COL14A1: variants seen among roughly 807,000 people sequenced by gnomAD.
COL14A1 encodes the protein collagen type XIV alpha 1 chain, also known as collagen alpha-1(XIV) chain.
Under a neutral mutation model 230.3 loss-of-function variants are expected in COL14A1, and 136 were observed. The observed-to-expected ratio is 0.59, with a 90% CI of 0.51 to 0.68. The LOEUF (loss-of-function observed/expected upper bound fraction) is 0.68. Ranked by LOEUF, COL14A1 falls within the 30% of genes least tolerant of loss-of-function variation. The pLI is 0.00. For missense variants in COL14A1, 1,976 were observed against 2,215.8 expected (o/e 0.89, Z 2.17); for synonymous variants, 792 against 784.1 (o/e 1.01, Z -0.17).
intron 23 of COL14A1, among the ~76,000 whole-genome samples, chr8:120,259,276 T>C (rs1819255673): frequency 6.6e-6 from 1 of 152,186 alleles, no homozygotes; most frequent in African/African-American, 2.4e-5. Context: ...CAATAACTAC[T>C]TGTAGGACAT....
At chr8:120,184,132 C>T (rs1053886256) in intron 5 of COL14A1, among the ~76,000 whole-genome samples, 6 of 151,048 alleles carry the variant, frequency 4.0e-5, no homozygotes, top group Non-Finnish European at 1.5e-5. Context: ...AAGTGGTAGG[C>T]TTTTCATAAT....
chr8:120,253,138 T>C (rs1323587251), intron 22 of COL14A1, among the ~76,000 whole-genome samples: 1 of 152,150 alleles, frequency 6.6e-6, no homozygotes, highest in Non-Finnish European at 1.5e-5. Context: ...GCATCTCCTA[T>C]AGCTGGGATT....
At chr8:120,170,211 T>G (rs1816052084) in intron 5 of COL14A1, among the ~76,000 whole-genome samples, 1 of 152,034 alleles carries the variant, frequency 6.6e-6, no homozygotes. Flanking sequence ...CTTACTTCAT[T>G]GTATTTTCTT....
rs553166929 is a variant in COL14A1, at chr8:120,262,855, G to T, written c.2870-13G>T. 6.3e-7 allele frequency: 1 copy of T among 1,586,090 alleles called. No individual in the cohort carries two copies. Among genetic ancestry groups the T allele is most frequent in the East Asian group, 2.2e-5 (1 of 44,666 alleles). ...TATGTGTGTGTTTTTGTTTTGTTTT[G>T]TTTTTATTATAGATAGGCAAAAGCA... On this transcript the variant is annotated splice_polypyrimidine_tract_variant and intron_variant, in intron 23 of 47. Coordinates refer to ENST00000297848, the MANE Select transcript of COL14A1 (RefSeq NM_021110.4).
chr8:120,214,712 A>G (rs1360376421), intron 13 of COL14A1, among the ~76,000 whole-genome samples: 1 of 152,172 alleles, frequency 6.6e-6, no homozygotes, highest in Non-Finnish European at 1.5e-5. Flanking sequence ...AAACCAAATT[A>G]TCTAACCCCC....
intron 45 of COL14A1, among the ~76,000 whole-genome samples, chr8:120,360,554 C>T (rs1169645276): frequency 6.6e-6 from 1 of 152,230 alleles, no homozygotes. Context: ...CCATCTGTCA[C>T]TTCTTTAGCA....
intron 5 of COL14A1, among the ~76,000 whole-genome samples, chr8:120,187,785 C>G (rs941862363): frequency 1.3e-5 from 2 of 152,160 alleles, no homozygotes; most frequent in Admixed American, 1.3e-4. Context: ...AGGGGCAAGC[C>G]CTGCAGAGAC....
Position 120,189,657 on chromosome 8 carries a change from C to T in COL14A1, c.437-7134C>T, listed in dbSNP as rs1378660675. 5.1e-5 allele frequency among the ~76,000 whole-genome samples: 7 copies of T among 137,254 alleles called. No individual in the cohort carries two copies. In the East Asian group the frequency reaches 1.3e-3, roughly 26 times the overall value. 90.0% of individuals were successfully genotyped at this position (137,254 alleles called of 152,430 possible). ...CCCTCCCCCGACCCCACAACAGTCC[C>T]CAGAGTGTGATGTTCCCCTTCCTGT... On this transcript the variant is annotated intron_variant, in intron 5 of 47. Coordinates refer to ENST00000297848, the MANE Select transcript of COL14A1 (RefSeq NM_021110.4).
chr8:120,226,306 T>TAA (rs781626748), intron 15 of COL14A1, among the ~76,000 whole-genome samples: 1 of 141,670 alleles, frequency 7.1e-6, no homozygotes, highest in East Asian at 2.0e-4. Context: ...AAAATAATAT[T>TAA]TAAAAAAAAA....
At chr8:120,180,523 A>G (rs1159838055) in intron 5 of COL14A1, among the ~76,000 whole-genome samples, 1 of 152,150 alleles carries the variant, frequency 6.6e-6, no homozygotes, top group Non-Finnish European at 1.5e-5. Flanking sequence ...GGCTGGACCT[A>G]GGGTCTCAAT....
chr8:120,135,569 T>C (rs1313892638), intron 1 of COL14A1, among the ~76,000 whole-genome samples: 1 of 152,236 alleles, frequency 6.6e-6, no homozygotes, highest in African/African-American at 2.4e-5. Context: ...AACCCATTAA[T>C]ACTTTTTAAA....
intron 24 of COL14A1, among the ~76,000 whole-genome samples, chr8:120,264,573 A>G (rs1326866554): frequency 1.3e-5 from 2 of 152,314 alleles, no homozygotes; most frequent in East Asian, 1.9e-4. Context: ...TATGTCATCT[A>G]GCAAGTACTT....
chr8:120,244,175 T>G (rs1418652530), intron 20 of COL14A1, among the ~76,000 whole-genome samples, 167 bp downstream of exon 20: 1 of 152,230 alleles, frequency 6.6e-6, no homozygotes, highest in African/African-American at 2.4e-5. Context: ...GCTATGTGAC[T>G]TTGAGCAAAT....
intron 45 of COL14A1, among the ~76,000 whole-genome samples, chr8:120,353,524 G>T (rs1343470823): frequency 8.1e-5 from 12 of 147,912 alleles, no homozygotes; most frequent in Admixed American, 2.0e-4. Context: ...AATCTACAAT[G>T]AACTCAAACA....
Position 120,158,266 on chromosome 8 carries a change from T to A in COL14A1, c.205+20T>A. ...CTTCAGGTAAAAACAATTGACTTTGTTTTGTAGAGCATTAGCAACTTTTCA... is the reference window on the plus strand; with the variant it reads ...CTTCAGGTAAAAACAATTGACTTTGATTTGTAGAGCATTAGCAACTTTTCA... On this transcript the variant is annotated intron_variant, in intron 3 of 47. Transcript: ENST00000297848. The A allele has an allele frequency of 7.1e-7, 1 of 1,403,042 alleles. No homozygotes were observed. The allele number at this position is 1,403,042 out of a possible 1,614,324, so 86.9% of individuals were successfully genotyped here. A position where few individuals can be genotyped will look rare whatever the true frequency, so the allele number is the denominator to read the frequency against.
intron 7 of COL14A1, among the ~76,000 whole-genome samples, chr8:120,198,630 G>T (rs1817125786): frequency 1.3e-5 from 2 of 152,140 alleles, no homozygotes; most frequent in African/African-American, 4.8e-5. Context: ...TGCTCAACCA[G>T]CAAATATAAT....
At chr8:120,358,009 T>C (rs1039581003) in intron 45 of COL14A1, among the ~76,000 whole-genome samples, 1 of 152,184 alleles carries the variant, frequency 6.6e-6, no homozygotes, top group African/African-American at 2.4e-5. Context: ...CATTGACAAA[T>C]TAAAATTACC....
chr8:120,289,767 G>A lies in COL14A1; in HGVS notation c.4236+1G>A. On this transcript the variant is annotated splice_donor_variant, in intron 34 of 47. Transcript: ENST00000297848. LOFTEE classifies it high-confidence loss of function. Reference sequence around the variant, plus strand: ...AGGACCAGGTGGAAACTCTGCACCGGTAAGTGAATAAACCCGTGAAGCTGT... The same window carrying A: ...AGGACCAGGTGGAAACTCTGCACCGATAAGTGAATAAACCCGTGAAGCTGT... The A allele has an allele frequency of 6.2e-7, 1 of 1,611,660 alleles. No individual in the cohort carries two copies. Among genetic ancestry groups the A allele is most frequent in the Non-Finnish European group, 8.5e-7 (1 of 1,178,952 alleles).
chr8:120,288,689 G>A (rs1163169626), intron 33 of COL14A1, among the ~76,000 whole-genome samples: 1 of 152,072 alleles, frequency 6.6e-6, no homozygotes, highest in Admixed American at 6.6e-5. Flanking sequence ...AACCTTGATT[G>A]TATTGACCAA....
Sources: gnomAD v4.1 joint callset for allele counts (sites outside exome capture counted in the v4.1 genomes callset) on GRCh38, gnomAD v4.1.1 for gene constraint, MANE v1.5 for transcripts, NCBI Gene and HGNC (gene_info 2026-07-23, HGNC 2026-07-21) for gene names.